GRK2: variants seen among roughly 807,000 people sequenced by gnomAD.
The protein encoded by GRK2 is adrenergic beta receptor kinase 1.
GRK2 carries 23 observed loss-of-function variants against 97.8 expected under a neutral mutation model. The ratio of observed to expected loss-of-function variants is 0.24; its 90% CI spans 0.17 to 0.33. The LOEUF is 0.33. Ranked by LOEUF, GRK2 falls within the 10% of genes least tolerant of loss-of-function variation. The pLI is 1.00. For synonymous variants in GRK2, 425 were observed against 381.7 expected (o/e 1.11, Z -1.32); for missense variants, 633 against 956.9 (o/e 0.66, Z 4.47).
chr11:67,283,595 C>A lies in GRK2; in HGVS notation c.1329-112C>A, dbSNP rs571223670. ...TCCCATTTGAGAGATGAGGAAACAG[C>A]TCAGGCTTAAGGAACTTGCCCAAGT... On this transcript the variant is annotated intron_variant, in intron 15 of 20. Coordinates refer to ENST00000308595, the MANE Select transcript of GRK2 (RefSeq NM_001619.5). 8 of 1,039,890 alleles carry A rather than the reference C, an allele frequency of 7.7e-6. No homozygotes were observed. The East Asian group carries it at 1.7e-4, about 22-fold the overall frequency. 64.4% of individuals were successfully genotyped at this position (1,039,890 alleles called of 1,614,324 possible).
intron 2 of GRK2, 54 bp downstream of exon 2, chr11:67,277,402 C>A: frequency 1.3e-6 from 2 of 1,502,786 alleles, no homozygotes; most frequent in South Asian, 1.1e-5. Context: ...TGCCCCTACC[C>A]CAGCCAGCCC....
At chr11:67,268,818 A>G (rs1210120853) in intron 1 of GRK2, among the ~76,000 whole-genome samples, 1 of 152,168 alleles carries the variant, frequency 6.6e-6, no homozygotes, top group African/African-American at 2.4e-5. Flanking sequence ...CCAGCAACCA[A>G]CCTGTGAAGC....
chr11:67,275,526 G>A (rs1860011474), intron 1 of GRK2, among the ~76,000 whole-genome samples: 1 of 129,806 alleles, frequency 7.7e-6, no homozygotes, highest in Non-Finnish European at 1.6e-5. Flanking sequence ...GGCTTCCTCC[G>A]CGTGGCGCCT....
At chr11:67,274,520 T>TTTTTTTTTTTTTTTTTTTTTTTTTTTC (rs1859985075) in intron 1 of GRK2, among the ~76,000 whole-genome samples, 1 of 128,212 alleles carries the variant, frequency 7.8e-6, no homozygotes, top group Non-Finnish European at 1.7e-5. Flanking sequence ...TTTTTTTTTT[T>TTTTTTTTTTTTTTTTTTTTTTTTTTTC]TTGCTTTTTT....
Position 67,277,013 on chromosome 11 carries a change from G to A in GRK2, c.114-259G>A, listed in dbSNP as rs1008706968. The A allele has an allele frequency of 1.3e-4, 47 of 366,396 alleles. 1 individual carries two copies. The highest frequency in any genetic ancestry group is 7.6e-4 in the African/African-American group (36 of 47,426). The allele number at this position is 366,396 out of a possible 1,614,324, so 22.7% of individuals were successfully genotyped here. A position where few individuals can be genotyped will look rare whatever the true frequency, so the allele number is the denominator to read the frequency against. On this transcript the variant is annotated intron_variant, in intron 1 of 20. Transcript: ENST00000308595. ...ATCACTGGGACGAGACCCCACAGGC[G>A]GTGGGCCTCTGAGCAGGGGGCCACC...
At chr11:67,278,815 C>T (rs1344707419) in intron 2 of GRK2, among the ~76,000 whole-genome samples, 12 of 151,960 alleles carry the variant, frequency 7.9e-5, no homozygotes, top group Non-Finnish European at 1.5e-5. Context: ...CAGCCCGCCC[C>T]GGTGGGGGGT....
intron 18 of GRK2, 115 bp from the exon 19 acceptor site, chr11:67,284,732 T>G: frequency 7.2e-7 from 1 of 1,382,912 alleles, no homozygotes; most frequent in South Asian, 1.4e-5. Context: ...GAGGTTGCAG[T>G]GAGCCAAGAT....
At chr11:67,271,481 C>T (rs952585462) in intron 1 of GRK2, among the ~76,000 whole-genome samples, 3 of 152,226 alleles carry the variant, frequency 2.0e-5, no homozygotes, top group Admixed American at 6.5e-5. Flanking sequence ...CTCCTGGAAA[C>T]CACAGGGCAT....
intron 6 of GRK2, 37 bp downstream of exon 6, chr11:67,279,937 G>A (rs1276549816): frequency 2.5e-6 from 4 of 1,599,638 alleles, no homozygotes; most frequent in East Asian, 2.2e-5. Context: ...AAGGGGGAGG[G>A]AGGGGCCGCT....
chr11:67,279,564 G>A, intron 4 of GRK2, 45 bp downstream of exon 4: 1 of 1,612,510 alleles, frequency 6.2e-7, no homozygotes, highest in East Asian at 2.2e-5. Context: ...AGAGTCACCT[G>A]CAGATTGGGA....
rs1056869220 is a variant in GRK2, at chr11:67,276,406, A to C, written c.114-866A>C. 5.3e-5 allele frequency: 8 copies of C among 151,748 alleles called. No homozygotes were observed. Among genetic ancestry groups the C allele is most frequent in the African/African-American group, 1.7e-4 (7 of 41,242 alleles). 9.4% of individuals were successfully genotyped at this position (151,748 alleles called of 1,614,324 possible). On this transcript the variant is annotated intron_variant, in intron 1 of 20. Transcript: ENST00000308595. This position sits in a 1 kb window ranked among gnomAD's most constrained non-coding sequence, Gnocchi z 4.2. ...GCCTGGTGTGGCGCTCCCAGACAGC[A>C]CTCAGTGTGGGGTGAGATAAACAGG...
Position 67,282,238 on chromosome 11 carries a change from T to C in GRK2, c.958-33T>C, listed in dbSNP as rs1421801164. 4 of 1,602,434 alleles carry C rather than the reference T, an allele frequency of 2.5e-6. No individual in the cohort carries two copies. The highest frequency in any genetic ancestry group is 3.4e-6 in the Non-Finnish European group (4 of 1,171,226). On this transcript the variant is annotated intron_variant, in intron 11 of 20. Transcript: ENST00000308595. The surrounding 1 kb of genome is among the most constrained non-coding windows in gnomAD (Gnocchi z 6.9). ...TGCCTGGCTGGGCCCCATCCTGAGCTGCCCCAGGCAGCTCACTGGGCTTCC... is the reference window on the plus strand; with the variant it reads ...TGCCTGGCTGGGCCCCATCCTGAGCCGCCCCAGGCAGCTCACTGGGCTTCC...
chr11:67,284,231 G>C lies in GRK2; in HGVS notation c.1512G>C (p.Glu504Asp). ...TAAAGTTACTGGACAGTGATCAGGA[G>C]CTCTACCGCAACTTCCCCCTCACCA... is the stretch of plus-strand genomic sequence containing the variant. ...KGIKLLDSDQ[E>D]LYRNFPLTIS... Residue 504 changes from glutamate (E) to aspartate (D), a missense_variant, in exon 18 of 21, where the codon GAG (glutamate) becomes GAC (aspartate). This residue lies in a region of GRK2 where 180 missense variants were observed against 311.3 expected (regional missense o/e 0.58). Transcript: ENST00000308595. The C allele has an allele frequency of 6.2e-6, 10 of 1,613,668 alleles. No homozygotes were observed. Among genetic ancestry groups the C allele is most frequent in the Non-Finnish European group, 8.5e-6 (10 of 1,179,996 alleles).
chr11:67,268,222 C>T (rs568029706), intron 1 of GRK2, among the ~76,000 whole-genome samples: 13 of 152,366 alleles, frequency 8.5e-5, no homozygotes, highest in African/African-American at 2.6e-4. Flanking sequence ...CTCTGGCTGA[C>T]GCTGCAGGGG....
intron 2 of GRK2, among the ~76,000 whole-genome samples, chr11:67,278,355 G>A (rs535895367): frequency 2.6e-5 from 4 of 152,290 alleles, no homozygotes; most frequent in Admixed American, 6.5e-5. Context: ...GGTAGTGCTC[G>A]GGGGCCGGGG....
chr11:67,286,028 C>T lies in GRK2; in HGVS notation c.*578C>T, dbSNP rs1353413404. The stretch of plus-strand genomic sequence containing the variant: ...TCACTGGCTGCCTCCACTCCCACTT[C>T]CCTGACACTGCGGGGCTTGGCTGAG... On this transcript the variant is annotated 3_prime_UTR_variant, in exon 21 of 21. Coordinates refer to ENST00000308595, the MANE Select transcript of GRK2 (RefSeq NM_001619.5). The T allele has an allele frequency of 1.0e-5, 3 of 288,306 alleles. No homozygotes were observed. The highest frequency in any genetic ancestry group is 6.8e-5 in the African/African-American group (3 of 43,892). 17.9% of individuals were successfully genotyped at this position (288,306 alleles called of 1,614,324 possible).
rs532443262 is a variant in GRK2 at position 67,277,409 on chromosome 11, G to A, written c.190+61G>A. On this transcript the variant is annotated intron_variant, in intron 2 of 20. Transcript: ENST00000308595. ...TAACTTCTTGCCCCTACCCCAGCCA[G>A]CCCAGCTGTGCTCCCCACTCTCCAG... 4.1e-6 allele frequency: 6 copies of A among 1,448,208 alleles called. No individual in the cohort carries two copies. The South Asian group carries it at 5.7e-5, about 14-fold the overall frequency. The allele number at this position is 1,448,208 out of a possible 1,614,324, so 89.7% of individuals were successfully genotyped here.
In GRK2 at chr11:67,279,713, C is replaced by G. The variant is rs769130233; in HGVS notation, c.441+13C>G. 3.7e-6 allele frequency: 6 copies of G among 1,613,536 alleles called. No homozygotes were observed. The African/African-American group carries it at 5.3e-5, about 14-fold the overall frequency. On this transcript the variant is annotated intron_variant, in intron 5 of 20. Transcript: ENST00000308595. ...GGATCTCTTCCAGGTGTGTGCCTCC[C>G]GGTCCCTCCCCAGGCAAGGTCACCT...
intron 2 of GRK2, among the ~76,000 whole-genome samples, 174 bp downstream of exon 2, chr11:67,277,522 G>A (rs1860057511): frequency 1.3e-5 from 2 of 152,270 alleles, no homozygotes; most frequent in Admixed American, 1.3e-4. Flanking sequence ...GTGCCTCCTT[G>A]CCCCTGGCTG....
Sources: allele counts gnomAD v4.1 joint callset (sites outside exome capture counted in the v4.1 genomes callset), GRCh38; gene constraint gnomAD v4.1.1; regional missense constraint gnomAD v4.1.1; non-coding constraint Gnocchi (gnomAD v3.1); transcripts MANE v1.5; gene names NCBI Gene and HGNC (gene_info 2026-07-23, HGNC 2026-07-21).